Variants in APOH observed in about 807,000 individuals in gnomAD.
APOH encodes apolipoprotein H.
A neutral mutation model predicts 39.8 loss-of-function variants in APOH; 48 were observed. That is an observed-to-expected ratio of 1.21 (90% CI 0.96 to 1.54). The LOEUF is 1.54. Ranked by LOEUF, APOH falls within the 40% of genes most tolerant of loss-of-function variation. The pLI, the probability that APOH is intolerant of heterozygous loss-of-function variation, is 0.00. For missense variants in APOH, 415 were observed against 421.2 expected, an observed-to-expected ratio of 0.99 and a Z score of 0.13; for synonymous variants, 153 against 151.1, an observed-to-expected ratio of 1.01 and a Z score of -0.09.
intron 3 of APOH, among the ~76,000 whole-genome samples, chr17:66,225,825 C>A (rs1034236016): frequency 6.6e-6 from 1 of 151,144 alleles, no homozygotes; most frequent in Non-Finnish European, 1.5e-5. Context: ...TGCAGTGAGC[C>A]GAGACTGCAC....
At chr17:66,222,567 CTTTTTTTTTTT>C (rs1178795590) in intron 4 of APOH, among the ~76,000 whole-genome samples, 1 of 84,880 alleles carries the variant, frequency 1.2e-5, no homozygotes. Context: ...TTTCCACTTG[CTTTTTTTTTTT>C]TTTTTTTTTT....
intron 5 of APOH, among the ~76,000 whole-genome samples, chr17:66,217,724 A>C (rs1235579750): frequency 6.6e-6 from 1 of 152,046 alleles, no homozygotes; most frequent in Admixed American, 6.6e-5. Context: ...GCTGAGGTGG[A>C]TGCTGAGGAG....
rs1018051016 is a variant in APOH at position 66,226,260 on chromosome 17, T to C, written c.242-136A>G. On this transcript the variant is annotated intron_variant, in intron 2 of 7. Transcript: ENST00000205948. Reference sequence around the variant, plus strand: ...TCATCCTTTGGTTCAATAACTTTACTGGTAACTATTCTAAGAAAGCAATTC... The same window carrying C: ...TCATCCTTTGGTTCAATAACTTTACCGGTAACTATTCTAAGAAAGCAATTC... 4.7e-6 allele frequency: 3 copies of C among 639,504 alleles called. No homozygotes were observed. The African/African-American group carries it at 5.5e-5, about 12-fold the overall frequency. The allele number at this position is 639,504 out of a possible 1,614,324, so 39.6% of individuals were successfully genotyped here.
At chr17:66,221,030 C>T (rs1004269025) in intron 4 of APOH, among the ~76,000 whole-genome samples, 2 of 151,528 alleles carry the variant, frequency 1.3e-5, no homozygotes, top group Admixed American at 6.6e-5. Context: ...CCGTCTCTAC[C>T]AAAAATACAA....
intron 5 of APOH, among the ~76,000 whole-genome samples, chr17:66,217,432 C>A (rs1567738806): frequency 6.8e-6 from 1 of 147,826 alleles, no homozygotes; most frequent in Non-Finnish European, 1.5e-5. Flanking sequence ...ATGGAAGAAG[C>A]CAGCAGGAAA....
At chr17:66,224,681 GGGAAGGGAAGGGAAAGGAAA>G (rs2073426594) in intron 3 of APOH, among the ~76,000 whole-genome samples, 4 of 30,446 alleles carry the variant, frequency 1.3e-4, no homozygotes, top group African/African-American at 6.4e-4. Context: ...GGGAAGGGAA[GGGAAGGGAAGGGAAAGGAAA>G]GGAAAGGAAA....
intron 3 of APOH, among the ~76,000 whole-genome samples, chr17:66,225,199 C>A (rs1379811004): frequency 6.6e-6 from 1 of 152,082 alleles, no homozygotes; most frequent in East Asian, 1.9e-4. Context: ...ATGTAGTATT[C>A]CTTAACCTCC....
intron 7 of APOH, among the ~76,000 whole-genome samples, chr17:66,214,128 C>T (rs1487495031): frequency 6.6e-6 from 1 of 152,084 alleles, no homozygotes; most frequent in African/African-American, 2.4e-5. Context: ...GGCGCGATCT[C>T]GGCTCACTGC....
At chr17:66,219,521 G>T (rs571018975) in intron 5 of APOH, among the ~76,000 whole-genome samples, 1 of 152,290 alleles carries the variant, frequency 6.6e-6, no homozygotes, top group African/African-American at 2.4e-5. Flanking sequence ...AAAGGTACAA[G>T]TTACTACTGT....
intron 4 of APOH, among the ~76,000 whole-genome samples, chr17:66,221,572 G>C (rs983346792): frequency 1.3e-5 from 2 of 152,132 alleles, no homozygotes; most frequent in African/African-American, 4.8e-5. Context: ...GATGCTTCTG[G>C]AAGGCAGAAT....
rs1567741659 is a variant in APOH, at chr17:66,224,664, AAGGGAAGGGAAGGGAAGGGAAG to A, written c.339-912_339-891del. 7.7e-3 allele frequency among the ~76,000 whole-genome samples: 244 copies of A among 31,820 alleles called. 8 individuals are homozygous for A. Among genetic ancestry groups the A allele is most frequent in the African/African-American group, 0.035 (226 of 6,426 alleles). The allele number at this position is 31,820 out of a possible 152,430, so 20.9% of individuals were successfully genotyped here. ...AAGGGAAGGGAAGGGAAGGGAAGGG[AAGGGAAGGGAAGGGAAGGGAAG>A]GGAAGGGAAAGGAAAGGAAAGGAAA... On this transcript the variant is annotated intron_variant, in intron 3 of 7. Coordinates refer to ENST00000205948, the MANE Select transcript of APOH (RefSeq NM_000042.3).
At chr17:66,226,268 A>C in intron 2 of APOH, 144 bp from the exon 3 acceptor site, 4 of 628,284 alleles carry the variant, frequency 6.4e-6, no homozygotes, top group Non-Finnish European at 1.1e-5. Flanking sequence ...ACTGGTAACT[A>C]TTCTAAGAAA....
At chr17:66,225,150 A>G (rs915433291) in intron 3 of APOH, among the ~76,000 whole-genome samples, 14 of 152,096 alleles carry the variant, frequency 9.2e-5, no homozygotes, top group Non-Finnish European at 1.0e-4. Flanking sequence ...CCATTGGTAG[A>G]TTGGTGTTTC....
intron 5 of APOH, among the ~76,000 whole-genome samples, chr17:66,219,148 A>G (rs984916127): frequency 7.2e-5 from 11 of 152,194 alleles, no homozygotes; most frequent in African/African-American, 2.2e-4. Context: ...GAAAATTTGC[A>G]TCTGAGATAA....
At chr17:66,214,406 T>A in intron 7 of APOH, 47 bp downstream of exon 7, 1 of 1,538,386 alleles carries the variant, frequency 6.5e-7, no homozygotes, top group Non-Finnish European at 9.0e-7. Context: ...CTGATTATGA[T>A]GACGGGCAAG....
chr17:66,216,218 G>T (rs1598549806), intron 6 of APOH, among the ~76,000 whole-genome samples: 2 of 150,820 alleles, frequency 1.3e-5, no homozygotes, highest in Admixed American at 6.6e-5. Flanking sequence ...AAAAATGATG[G>T]ATGGAAGAAA....
chr17:66,227,346 A>G (rs908616878), intron 2 of APOH, among the ~76,000 whole-genome samples: 3 of 152,192 alleles, frequency 2.0e-5, no homozygotes, highest in Non-Finnish European at 2.9e-5. Context: ...AGATCCATAC[A>G]TCTATTTTTA....
In APOH at chr17:66,214,612, A is replaced by G; in HGVS notation, c.823T>C (p.Tyr275His). 2 of 1,613,920 alleles carry G rather than the reference A, an allele frequency of 1.2e-6. No homozygotes were observed. Among genetic ancestry groups the G allele is most frequent in the Non-Finnish European group, 1.7e-6 (2 of 1,179,924 alleles). ...KVPVKKATVV[Y>H]QGERVKIQEK... is the part of the protein sequence containing the mutation. ...TGAATCTTTACTCTCTCTCCTTGGTACACCACAGTGGCTTTTTTCACAGGT... is the reference window on the plus strand; with the variant it reads ...TGAATCTTTACTCTCTCTCCTTGGTGCACCACAGTGGCTTTTTTCACAGGT... The change falls in exon 7 of 8, where the codon TAC (tyrosine) becomes CAC (histidine). Residue 275 changes from tyrosine to histidine, a missense_variant. This residue lies in a region of APOH where 120 missense variants were observed against 110.6 expected (regional missense o/e 1.08). Coordinates refer to ENST00000205948, the MANE Select transcript of APOH (RefSeq NM_000042.3).
intron 5 of APOH, among the ~76,000 whole-genome samples, chr17:66,218,172 C>T (rs1387421518): frequency 1.3e-5 from 2 of 152,184 alleles, no homozygotes; most frequent in Non-Finnish European, 1.5e-5. Context: ...AAAGTATCAC[C>T]CACAGGTTGC....
Sources: gnomAD v4.1 joint callset for allele counts (sites outside exome capture counted in the v4.1 genomes callset) on GRCh38, gnomAD v4.1.1 for gene constraint, gnomAD v4.1.1 regional missense constraint, MANE v1.5 for transcripts, NCBI Gene and HGNC (gene_info 2026-07-23, HGNC 2026-07-21) for gene names.